FHOD3: variants seen among roughly 807,000 people sequenced by gnomAD.
FHOD3 encodes the protein formin homology 2 domain containing 3, also known as FH1/FH2 domain-containing protein 3.
FHOD3 carries 90 observed loss-of-function variants against 173.0 expected under a neutral mutation model. That is an observed-to-expected ratio of 0.52 (90% CI 0.44 to 0.62). The LOEUF (loss-of-function observed/expected upper bound fraction) is 0.62, where lower values mean the gene tolerates loss of function less well. FHOD3 is among the 20% of genes least tolerant of loss of function. The probability of loss-of-function intolerance (pLI) is 0.00; values close to 1 mark genes in which losing one functional copy is unlikely to be tolerated. For missense variants in FHOD3, 1,945 were observed against 2,034.7 expected, an observed-to-expected ratio of 0.96 and a Z score of 0.85; for synonymous variants, 828 against 823.0, an observed-to-expected ratio of 1.01 and a Z score of -0.10.
chr18:36,527,705 G>T (rs1174090370), intron 5 of FHOD3, among the ~76,000 whole-genome samples: 1 of 152,194 alleles, frequency 6.6e-6, no homozygotes, highest in Non-Finnish European at 1.5e-5. Context: ...CGTGAACCTG[G>T]CACATGGCAA....
rs1272019776 is a variant in FHOD3, at chr18:36,472,321, C to G, written c.338-29611C>G. Among the ~76,000 whole-genome samples, 6 of 152,158 alleles carry G rather than the reference C, an allele frequency of 3.9e-5. No homozygotes were observed. The South Asian group carries it at 1.0e-3, about 26-fold the overall frequency. On this transcript the variant is annotated intron_variant, in intron 3 of 28. Transcript: ENST00000590592. ...CTTGTAGAATACTCCTGTGTCATCC[C>G]TGTTTTATGGATGAGAAAAAACCAA...
At chr18:36,557,584 C>T (rs1184935040) in intron 5 of FHOD3, among the ~76,000 whole-genome samples, 2 of 152,148 alleles carry the variant, frequency 1.3e-5, no homozygotes, top group African/African-American at 4.8e-5. Context: ...TGATAATTCC[C>T]ATATGTTTTA....
chr18:36,741,710 G>A (rs1454564599), intron 21 of FHOD3, among the ~76,000 whole-genome samples: 2 of 152,044 alleles, frequency 1.3e-5, no homozygotes, highest in African/African-American at 4.8e-5. Flanking sequence ...GTTCAAGGCT[G>A]CAGTAGGCTA....
At chr18:36,408,135 G>T (rs192666758) in intron 3 of FHOD3, among the ~76,000 whole-genome samples, 2 of 152,294 alleles carry the variant, frequency 1.3e-5, no homozygotes, top group Non-Finnish European at 2.9e-5. Context: ...ACATTAGCAT[G>T]AATCCTCTGT....
intron 3 of FHOD3, among the ~76,000 whole-genome samples, chr18:36,395,535 AT>A (rs1002506353): frequency 2.0e-5 from 3 of 152,048 alleles, no homozygotes; most frequent in African/African-American, 7.2e-5. Context: ...TTTCATAATA[AT>A]TCTTTTTTTT....
At chr18:36,425,610 T>C (rs1215460358) in intron 3 of FHOD3, among the ~76,000 whole-genome samples, 1 of 152,168 alleles carries the variant, frequency 6.6e-6, no homozygotes, top group Non-Finnish European at 1.5e-5. Flanking sequence ...ACAGTGGCGC[T>C]TGACTCCAAA....
chr18:36,543,819 CA>C (rs1390435838), intron 5 of FHOD3, among the ~76,000 whole-genome samples: 2 of 152,154 alleles, frequency 1.3e-5, no homozygotes, highest in Non-Finnish European at 2.9e-5. Flanking sequence ...CTGAGTGTTT[CA>C]AAAACAGTTC....
rs765914500 is a variant in FHOD3 at position 36,740,731 on chromosome 18, C to A, written c.3652C>A (p.Pro1218Thr). The A allele has an allele frequency of 6.2e-7, 1 of 1,613,810 alleles. No homozygotes were observed. Among genetic ancestry groups the A allele is most frequent in the African/African-American group, 1.3e-5 (1 of 74,842 alleles). The change falls in exon 21 of 29, where the codon CCC becomes ACC. Residue 1218 changes from proline (P) to threonine (T), a missense_variant. Pro to Thr is a conservative substitution (Grantham distance 38, BLOSUM62 -1). Coordinates refer to ENST00000590592, the MANE Select transcript of FHOD3 (RefSeq NM_001281740.3). ...AGCTCAGCTGGCCAACCCTGAAATC[C>A]CCCTGGGCAGTGCAGAGCAGTTCCT... The part of the protein sequence containing the change: ...QEAQLANPEI[P>T]LGSAEQFLLT...
intron 3 of FHOD3, among the ~76,000 whole-genome samples, chr18:36,468,615 T>C (rs1006523596): frequency 6.6e-6 from 1 of 152,138 alleles, no homozygotes; most frequent in African/African-American, 2.4e-5. Flanking sequence ...GGGATTTTAG[T>C]GATCCTGGCT....
At chr18:36,534,771 C>G (rs2056926430) in intron 5 of FHOD3, among the ~76,000 whole-genome samples, 2 of 152,234 alleles carry the variant, frequency 1.3e-5, no homozygotes, top group Admixed American at 6.5e-5. Flanking sequence ...CAAAGCGCTG[C>G]TGAACCAGGT....
At chr18:36,717,768 G>T (rs768954889) in intron 18 of FHOD3, 64 bp from the exon 19 acceptor site, 1 of 1,507,658 alleles carries the variant, frequency 6.6e-7, no homozygotes, top group South Asian at 1.4e-5. Flanking sequence ...TATTCTCATC[G>T]ATTCTCTCAT....
intron 3 of FHOD3, among the ~76,000 whole-genome samples, chr18:36,436,277 GC>G (rs2050804098): frequency 6.6e-6 from 1 of 152,086 alleles, no homozygotes; most frequent in Non-Finnish European, 1.5e-5. Context: ...ATTGTTCTAT[GC>G]CCTTTGTATT....
intron 3 of FHOD3, among the ~76,000 whole-genome samples, chr18:36,378,276 C>T (rs553190081): frequency 2.0e-5 from 3 of 152,230 alleles, no homozygotes; most frequent in African/African-American, 7.2e-5. Flanking sequence ...AAATAAAAAA[C>T]CTCCTCTCCT....
At chr18:36,535,921 G>C (rs2056974782) in intron 5 of FHOD3, among the ~76,000 whole-genome samples, 1 of 152,140 alleles carries the variant, frequency 6.6e-6, no homozygotes, top group Non-Finnish European at 1.5e-5. Flanking sequence ...TATGATAAGA[G>C]AGAAAGAAAA....
rs568103280 is a variant in FHOD3, at chr18:36,654,036, C to T, written c.1721+620C>T. ...CCTGTTCCAGAGTCGCTTCCTAACC[C>T]GTACGTGGTGCTGCTGTCTGTCATT... is the stretch of plus-strand genomic sequence containing the variant. On this transcript the variant is annotated intron_variant, in intron 13 of 28. Transcript: ENST00000590592. Among the ~76,000 whole-genome samples, 39 of 152,282 alleles carry T rather than the reference C, an allele frequency of 2.6e-4. No individual in the cohort carries two copies. The East Asian group carries it at 6.4e-3, about 25-fold the overall frequency.
At chr18:36,437,046 C>G (rs541145105) in intron 3 of FHOD3, among the ~76,000 whole-genome samples, 3 of 152,256 alleles carry the variant, frequency 2.0e-5, no homozygotes, top group Admixed American at 2.0e-4. Flanking sequence ...GCTAAGTTGT[C>G]CTATTAAAAA....
At chr18:36,423,452 C>T (rs1209862193) in intron 3 of FHOD3, among the ~76,000 whole-genome samples, 1 of 152,292 alleles carries the variant, frequency 6.6e-6, no homozygotes, top group Non-Finnish European at 1.5e-5. Context: ...AACATTTTGT[C>T]ATGGTGAATC....
chr18:36,326,959 T>C (rs1055683459), intron 1 of FHOD3, among the ~76,000 whole-genome samples: 1 of 152,200 alleles, frequency 6.6e-6, no homozygotes, highest in African/African-American at 2.4e-5. Flanking sequence ...TTACATCCAG[T>C]GATTCAAGAG....
intron 2 of FHOD3, among the ~76,000 whole-genome samples, chr18:36,371,043 T>TTGAACTTC (rs1433994448): frequency 6.6e-6 from 1 of 152,242 alleles, no homozygotes; most frequent in Non-Finnish European, 1.5e-5. Context: ...CACAGGAATC[T>TTGAACTTC]TGAACTTCTG....
Sources: allele counts gnomAD v4.1 joint callset (sites outside exome capture counted in the v4.1 genomes callset), GRCh38; gene constraint gnomAD v4.1.1; transcripts MANE v1.5; gene names NCBI Gene and HGNC (gene_info 2026-07-23, HGNC 2026-07-21).